LDLRAD4: variants seen among roughly 807,000 people sequenced by gnomAD.
LDLRAD4 encodes the protein low density lipoprotein receptor class A domain containing 4, also known as low-density lipoprotein receptor class A domain-containing protein 4.
LDLRAD4 carries 5 observed loss-of-function variants against 17.0 expected under a neutral mutation model. That is an observed-to-expected ratio of 0.29 (90% CI 0.15 to 0.62). The LOEUF (loss-of-function observed/expected upper bound fraction) is 0.62. Among genes scored for constraint, LDLRAD4 ranks in the 20% least tolerant of loss-of-function variants. The pLI is 0.84. For missense variants in LDLRAD4, 340 were observed against 424.7 expected (o/e 0.80, Z 1.75); for synonymous variants, 168 against 171.8 (o/e 0.98, Z 0.17).
chr18:13,293,278 G>C (rs1260036473), intron 1 of LDLRAD4, among the ~76,000 whole-genome samples: 1 of 152,220 alleles, frequency 6.6e-6, no homozygotes, highest in Non-Finnish European at 1.5e-5. Flanking sequence ...ATTCCAGGTT[G>C]CTGCTGTGAC....
chr18:13,442,369 G>T (rs944621286), intron 3 of LDLRAD4, among the ~76,000 whole-genome samples: 1 of 152,308 alleles, frequency 6.6e-6, no homozygotes, highest in Middle Eastern at 3.4e-3. Context: ...GGTTGGATTA[G>T]TGGTCACAGT....
At chr18:13,344,014 T>G (rs1293516782) in intron 1 of LDLRAD4, among the ~76,000 whole-genome samples, 1 of 152,234 alleles carries the variant, frequency 6.6e-6, no homozygotes, top group Non-Finnish European at 1.5e-5. Flanking sequence ...TGCAAAAATA[T>G]TCTCCCATTC....
At chr18:13,275,170 T>C (rs2044786113), upstream of LDLRAD4, among the ~76,000 whole-genome samples, 1 of 152,254 alleles carries the variant, frequency 6.6e-6, no homozygotes. Context: ...GAAGGAAAGA[T>C]TTATTGATAC....
intron 1 of LDLRAD4, among the ~76,000 whole-genome samples, chr18:13,379,149 A>G (rs1333071839): frequency 6.6e-6 from 1 of 152,254 alleles, no homozygotes; most frequent in Non-Finnish European, 1.5e-5. Context: ...AGTCACACAC[A>G]GCCTAGAATG....
exon 6 of LDLRAD4, chr18:13,646,906 G>C (rs900669000): frequency 2.6e-5 from 4 of 152,376 alleles, no homozygotes; most frequent in African/African-American, 9.7e-5. Flanking sequence ...GAGTGGTGTG[G>C]GTGGTGGTTT....
chr18:13,438,857 T>C (rs557968122), intron 3 of LDLRAD4, among the ~76,000 whole-genome samples: 60 of 152,370 alleles, frequency 3.9e-4, no homozygotes, highest in African/African-American at 1.4e-3. Flanking sequence ...GGTTTTGACA[T>C]GTGTGAATCC....
At chr18:13,427,926 G>A (rs2090067457) in intron 2 of LDLRAD4, among the ~76,000 whole-genome samples, 1 of 152,100 alleles carries the variant, frequency 6.6e-6, no homozygotes, top group Non-Finnish European at 1.5e-5. Context: ...GACACCCATA[G>A]TTAACTGTGG....
In LDLRAD4 at chr18:13,527,745, C is replaced by T. The variant is rs79665874; in HGVS notation, c.181+89361C>T. 2.9e-3 allele frequency among the ~76,000 whole-genome samples: 441 copies of T among 152,264 alleles called. 10 individuals carry two copies. The East Asian group carries it at 0.068, about 24-fold the overall frequency. On this transcript the variant is annotated intron_variant, in intron 3 of 5. Transcript: ENST00000359446. ...AAGTAGAATGGCCCAAGCAGTCCTA[C>T]ATGGTCTAAATTGGTGGGTGAAAGG...
At chr18:13,322,931 C>T (rs1248523101) in intron 1 of LDLRAD4, among the ~76,000 whole-genome samples, 1 of 152,044 alleles carries the variant, frequency 6.6e-6, no homozygotes, top group Non-Finnish European at 1.5e-5. Flanking sequence ...GGCCATATTT[C>T]TCACTTTTTT....
intron 1 of LDLRAD4, among the ~76,000 whole-genome samples, chr18:13,248,247 C>T (rs1016918475): frequency 1.3e-5 from 2 of 152,232 alleles, no homozygotes; most frequent in African/African-American, 4.8e-5. Flanking sequence ...AGGCGCGAGC[C>T]ACCGCGCCCG....
intron 2 of LDLRAD4, among the ~76,000 whole-genome samples, chr18:13,436,341 G>A (rs998995237): frequency 1.4e-4 from 22 of 152,128 alleles, no homozygotes; most frequent in Non-Finnish European, 2.9e-4. Context: ...CAAGCATGTC[G>A]TGTCTCCCCC....
intron 5 of LDLRAD4, among the ~76,000 whole-genome samples, chr18:13,644,614 C>T (rs1035321278): frequency 2.0e-5 from 3 of 151,818 alleles, no homozygotes; most frequent in African/African-American, 7.3e-5. Flanking sequence ...AATAAAAACT[C>T]GGAGCCCCTC....
intron 3 of LDLRAD4, among the ~76,000 whole-genome samples, chr18:13,457,402 G>T (rs1019714131): frequency 6.6e-6 from 1 of 152,202 alleles, no homozygotes; most frequent in African/African-American, 2.4e-5. Flanking sequence ...CCATCCAGAA[G>T]CTCCCTGAAC....
chr18:13,439,956 C>T (rs1198507482), intron 3 of LDLRAD4, among the ~76,000 whole-genome samples: 1 of 152,196 alleles, frequency 6.6e-6, no homozygotes. Flanking sequence ...AATCCACAGC[C>T]AGCACTTAGA....
intron 4 of LDLRAD4, among the ~76,000 whole-genome samples, chr18:13,629,570 G>C (rs2041482139): frequency 6.6e-6 from 1 of 152,122 alleles, no homozygotes; most frequent in African/African-American, 2.4e-5. Context: ...GTAATGTTCT[G>C]GGCATCTATA....
intron 1 of LDLRAD4, chr18:13,242,024 T>C (rs2042682759): frequency 6.6e-6 from 1 of 152,258 alleles, no homozygotes; most frequent in East Asian, 1.9e-4. Flanking sequence ...AGCACGGGGC[T>C]TCGTGGCCTA....
intron 2 of LDLRAD4, among the ~76,000 whole-genome samples, chr18:13,426,895 CAGAA>C (rs2089978437): frequency 6.6e-6 from 1 of 152,106 alleles, no homozygotes; most frequent in Non-Finnish European, 1.5e-5. Flanking sequence ...TTTGAGATCT[CAGAA>C]GGAAGGCCAG....
At chr18:13,496,766 G>A (rs1200216568) in intron 3 of LDLRAD4, among the ~76,000 whole-genome samples, 2 of 152,168 alleles carry the variant, frequency 1.3e-5, no homozygotes, top group African/African-American at 2.4e-5. Context: ...GTTTGTGGCA[G>A]TTACCACAAA....
chr18:13,539,854 CAATGTCAACACTG>C (rs2094250687), intron 3 of LDLRAD4, among the ~76,000 whole-genome samples: 1 of 152,140 alleles, frequency 6.6e-6, no homozygotes, highest in Non-Finnish European at 1.5e-5. Context: ...GAAGTGTAAC[CAATGTCAACACTG>C]GAAGGGAGAA....
Sources: allele counts gnomAD v4.1 joint callset (sites outside exome capture counted in the v4.1 genomes callset), GRCh38; gene constraint gnomAD v4.1.1; transcripts MANE v1.5; gene names NCBI Gene and HGNC (gene_info 2026-07-23, HGNC 2026-07-21).